TSHR: variants seen among roughly 807,000 people sequenced by gnomAD.
TSHR encodes thyroid stimulating hormone receptor.
A neutral mutation model predicts 64.1 loss-of-function variants in TSHR; 51 were observed. The observed-to-expected ratio is 0.80, with a 90% CI of 0.64 to 1.01. The LOEUF (loss-of-function observed/expected upper bound fraction) is 1.01. Among genes scored for constraint, TSHR ranks in the 50% least tolerant of loss-of-function variants. TSHR has a pLI of 0.00. For synonymous variants in TSHR, 361 were observed against 361.9 expected (o/e 1.00, Z 0.03); for missense variants, 877 against 942.8 (o/e 0.93, Z 0.91).
intron 3 of TSHR, among the ~76,000 whole-genome samples, chr14:81,083,280 T>C (rs1241471630): frequency 6.6e-6 from 1 of 152,196 alleles, no homozygotes; most frequent in Non-Finnish European, 1.5e-5. Flanking sequence ...AATGTAGACA[T>C]GTGATTAAGT....
Position 81,143,263 on chromosome 14 carries a change from C to A in TSHR, c.1205C>A (p.Ser402Tyr). The A allele has an allele frequency of 6.2e-7, 1 of 1,614,190 alleles. No homozygotes were observed. Among genetic ancestry groups the A allele is most frequent in the Non-Finnish European group, 8.5e-7 (1 of 1,180,046 alleles). ...GAAGACATGGTGTGTACCCCCAAGT[C>A]CGATGAGTTCAACCCGTGTGAAGAC... ...DSEDMVCTPK[S>Y]DEFNPCEDIM... The change falls in exon 10 of 10, where the codon TCC becomes TAC. Residue 402 changes from serine (S) to tyrosine (Y), a missense_variant. Transcript: ENST00000298171.
chr14:80,970,699 T>A (rs1594900793), intron 1 of TSHR, among the ~76,000 whole-genome samples: 2 of 152,156 alleles, frequency 1.3e-5, no homozygotes, highest in East Asian at 3.9e-4. Flanking sequence ...GCCTTCTGAG[T>A]TATCTGATAA....
rs1327450425 is a variant in TSHR, at chr14:81,103,615, C to T, written c.615-4760C>T. 8 of 985,330 alleles carry T rather than the reference C, an allele frequency of 8.1e-6. No homozygotes were observed. The African/African-American group carries it at 1.4e-4, about 17-fold the overall frequency. The allele number at this position is 985,330 out of a possible 1,614,324, so 61.0% of individuals were successfully genotyped here. ...GGCAGATGTGTAAAAGCACATTGTC[C>T]TATGACTTCCTATGGCGCCAAGAAT... is the stretch of plus-strand genomic sequence containing the variant. On this transcript the variant is annotated intron_variant, in intron 7 of 9. Transcript: ENST00000298171. This position sits in a 1 kb window ranked among gnomAD's most constrained non-coding sequence, Gnocchi z 4.1.
chr14:81,128,023 T>A (rs1891086701), intron 8 of TSHR, among the ~76,000 whole-genome samples: 1 of 152,238 alleles, frequency 6.6e-6, no homozygotes, highest in Non-Finnish European at 1.5e-5. Flanking sequence ...ATCCATTATG[T>A]TGCAATAGTA....
chr14:81,078,566 G>A (rs189236673), intron 3 of TSHR: 1 of 152,094 alleles, frequency 6.6e-6, no homozygotes, highest in Admixed American at 6.5e-5. Flanking sequence ...TGTTAAATTT[G>A]GACATTTTTG....
At position 81,139,697 on chromosome 14, in the gene TSHR, TGTCACTGC is replaced by T; in HGVS notation, c.712_719del (p.Val238ProfsTer21). The T allele has an allele frequency of 6.2e-7, 1 of 1,614,188 alleles. No homozygotes were observed. The highest frequency in any genetic ancestry group is 8.5e-7 in the Non-Finnish European group (1 of 1,180,044). Reference sequence around the variant, plus strand: ...CTCCCAGGGACGTGTCTCAAACCAGTGTCACTGCCCTTCCATCCAAAGGCCTGGAGCAC... The same window carrying T: ...CTCCCAGGGACGTGTCTCAAACCAGTCCTTCCATCCAAAGGCCTGGAGCAC... On this transcript the variant is annotated frameshift_variant, in exon 9 of 10. Coordinates refer to ENST00000298171, the MANE Select transcript of TSHR (RefSeq NM_000369.5). LOFTEE classifies it high-confidence loss of function.
At chr14:81,064,471 A>T (rs947061035) in intron 2 of TSHR, among the ~76,000 whole-genome samples, 2 of 152,094 alleles carry the variant, frequency 1.3e-5, no homozygotes, top group African/African-American at 4.8e-5. Context: ...CAGGACACAG[A>T]CAGAATTTTT....
chr14:81,007,981 C>G (rs759287214), intron 1 of TSHR, among the ~76,000 whole-genome samples: 1 of 152,114 alleles, frequency 6.6e-6, no homozygotes, highest in Non-Finnish European at 1.5e-5. Context: ...ATGTATTGAT[C>G]AGCCTTGGAC....
chr14:81,053,988 T>G (rs951322852), intron 1 of TSHR, among the ~76,000 whole-genome samples: 1 of 152,198 alleles, frequency 6.6e-6, no homozygotes, highest in African/African-American at 2.4e-5. Flanking sequence ...AAATCTGTGA[T>G]GATAGAAGTC....
intron 1 of TSHR, chr14:81,032,969 CA>C: frequency 1.1e-5 from 4 of 351,970 alleles, no homozygotes; most frequent in South Asian, 6.1e-5. Context: ...GAGCCAAAAA[CA>C]AAAGGTGCAC....
At position 80,961,963 on chromosome 14, in the gene TSHR, T is replaced by C. The variant is rs140309198; in HGVS notation, c.170+6113T>C. Among the ~76,000 whole-genome samples, 381 of 152,316 alleles carry C rather than the reference T, an allele frequency of 2.5e-3. 5 individuals carry two copies. Among genetic ancestry groups the C allele is most frequent in the African/African-American group, 8.7e-3 (363 of 41,574 alleles). ...TCCTTAGAAAATTTGAAAACATCTA[T>C]TATATTAAACTTTATAAGTACCAGG... On this transcript the variant is annotated intron_variant, in intron 1 of 9. Transcript: ENST00000298171.
At chr14:81,102,876 A>C (rs1889675625) in intron 7 of TSHR, 1 of 985,172 alleles carries the variant, frequency 1.0e-6, no homozygotes, top group African/African-American at 1.7e-5. Flanking sequence ...AAGTATCTGG[A>C]TTAAAATATT....
intron 8 of TSHR, among the ~76,000 whole-genome samples, chr14:81,131,354 C>T (rs1435715013): frequency 6.6e-6 from 1 of 152,194 alleles, no homozygotes; most frequent in Non-Finnish European, 1.5e-5. Flanking sequence ...CCTGTTTCCA[C>T]GCCTTACTCA....
intron 7 of TSHR, chr14:81,104,250 G>A (rs760373105): frequency 1.1e-4 from 109 of 985,406 alleles, no homozygotes; most frequent in Non-Finnish European, 1.3e-4. Flanking sequence ...ATGAGAGGTA[G>A]GCAGGGGGTC....
At chr14:81,019,325 C>A (rs1400093118) in intron 1 of TSHR, among the ~76,000 whole-genome samples, 36 of 139,336 alleles carry the variant, frequency 2.6e-4, no homozygotes, top group Non-Finnish European at 4.6e-4. Flanking sequence ...CACAGCAAGA[C>A]TTTATCTCAA....
chr14:81,031,229 T>C (rs537791461), intron 1 of TSHR, among the ~76,000 whole-genome samples: 26 of 152,162 alleles, frequency 1.7e-4, no homozygotes, highest in Non-Finnish European at 2.1e-4. Flanking sequence ...TATGGGTTTC[T>C]TCCATGCTAC....
intron 1 of TSHR, among the ~76,000 whole-genome samples, chr14:80,962,282 TG>T (rs1887077941): frequency 6.6e-6 from 1 of 152,348 alleles, no homozygotes; most frequent in African/African-American, 2.4e-5. Flanking sequence ...TGAGTGTATA[TG>T]AATTGCCTAA....
intron 8 of TSHR, among the ~76,000 whole-genome samples, chr14:81,138,534 G>C (rs979067245): frequency 1.3e-5 from 2 of 152,118 alleles, no homozygotes; most frequent in Non-Finnish European, 2.9e-5. Context: ...GAAAATGCTA[G>C]ATTATATATT....
intron 8 of TSHR, among the ~76,000 whole-genome samples, chr14:81,123,207 G>T (rs377335179): frequency 5.7e-4 from 87 of 152,310 alleles, no homozygotes; most frequent in African/African-American, 2.0e-3. Context: ...ATGTCAGCAT[G>T]TGAGAGGTCA....
Sources: allele counts gnomAD v4.1 joint callset (sites outside exome capture counted in the v4.1 genomes callset), GRCh38; gene constraint gnomAD v4.1.1; non-coding constraint Gnocchi (gnomAD v3.1); transcripts MANE v1.5; gene names NCBI Gene and HGNC (gene_info 2026-07-23, HGNC 2026-07-21).